The following DLGAP1 variants were observed in gnomAD, a reference collection of about 807,000 sequenced individuals.
The protein encoded by DLGAP1 is disks large-associated protein 1.
A neutral mutation model predicts 90.8 loss-of-function variants in DLGAP1; 11 were observed. That is an observed-to-expected ratio of 0.12 (90% confidence interval 0.08 to 0.20). The LOEUF (loss-of-function observed/expected upper bound fraction) is 0.20, where lower values mean the gene tolerates loss of function less well. Ranked by LOEUF, DLGAP1 falls within the 10% of genes least tolerant of loss-of-function variation. The pLI is 1.00. For missense variants in DLGAP1, 1,050 were observed against 1,333.8 expected (o/e 0.79, Z 3.31); for synonymous variants, 558 against 540.7 (o/e 1.03, Z -0.44).
intron 1 of DLGAP1, among the ~76,000 whole-genome samples, chr18:4,262,930 A>G (rs1938534225): frequency 6.6e-6 from 1 of 150,922 alleles, no homozygotes; most frequent in Admixed American, 6.6e-5. Flanking sequence ...TATTATTATT[A>G]TTATTTTATT....
chr18:4,190,823 A>G (rs546629425), intron 1 of DLGAP1, among the ~76,000 whole-genome samples: 186 of 152,010 alleles, frequency 1.2e-3, no homozygotes, highest in African/African-American at 4.3e-3. Context: ...TCCAAGGACT[A>G]TAATATAGTT....
At chr18:3,621,243 A>G (rs1220315671) in intron 7 of DLGAP1, among the ~76,000 whole-genome samples, 2 of 152,122 alleles carry the variant, frequency 1.3e-5, no homozygotes, top group East Asian at 1.9e-4. Context: ...TAAGGATCCT[A>G]TACAAGATTT....
At chr18:4,374,733 T>C (rs2081981144) in intron 1 of DLGAP1, among the ~76,000 whole-genome samples, 1 of 152,216 alleles carries the variant, frequency 6.6e-6, no homozygotes, top group East Asian at 1.9e-4. Context: ...AATTTACCAG[T>C]AAAAAGGTAA....
At chr18:3,978,265 T>C in intron 3 of DLGAP1, 1 of 406,618 alleles carries the variant, frequency 2.5e-6, no homozygotes, top group Non-Finnish European at 4.8e-6. Flanking sequence ...GTGATGACCC[T>C]TTTGGTACCC....
At chr18:4,400,526 G>A (rs78596085) in intron 1 of DLGAP1, among the ~76,000 whole-genome samples, 1,754 of 152,080 alleles carry the variant, frequency 0.012, 41 homozygotes, top group African/African-American at 0.041. Flanking sequence ...ATATTTTCAC[G>A]GATATATGTC....
intron 1 of DLGAP1, among the ~76,000 whole-genome samples, chr18:4,325,951 G>A (rs1394463575): frequency 6.6e-6 from 1 of 152,008 alleles, no homozygotes; most frequent in African/African-American, 2.4e-5. Flanking sequence ...CATAGAACTT[G>A]GCAAAGATTT....
At chr18:3,502,825 G>C (rs977240489) in intron 11 of DLGAP1, among the ~76,000 whole-genome samples, 180 bp from the exon 12 acceptor site, 3 of 152,200 alleles carry the variant, frequency 2.0e-5, no homozygotes, top group Admixed American at 2.0e-4. Flanking sequence ...GTTTGAGTCA[G>C]TGATTCTCAA....
intron 1 of DLGAP1, among the ~76,000 whole-genome samples, chr18:4,187,242 A>T (rs1436565454): frequency 6.6e-6 from 1 of 152,020 alleles, no homozygotes; most frequent in East Asian, 1.9e-4. Flanking sequence ...GATGCCCTTT[A>T]TTTCTCTTGT....
intron 4 of DLGAP1, among the ~76,000 whole-genome samples, chr18:3,855,675 A>C (rs1307759670): frequency 6.6e-6 from 1 of 152,076 alleles, no homozygotes; most frequent in African/African-American, 2.4e-5. Flanking sequence ...GTGTAATGGC[A>C]TGGTCTCGGC....
At chr18:4,198,786 TAC>T (rs1364497595) in intron 1 of DLGAP1, among the ~76,000 whole-genome samples, 1 of 152,232 alleles carries the variant, frequency 6.6e-6, no homozygotes, top group African/African-American at 2.4e-5. Context: ...AATGATGTAT[TAC>T]ATTCTGCAGT....
intron 1 of DLGAP1, among the ~76,000 whole-genome samples, chr18:4,278,327 A>G (rs1391360974): frequency 1.3e-5 from 2 of 152,154 alleles, no homozygotes; most frequent in Non-Finnish European, 2.9e-5. Context: ...GTACAAGTGC[A>G]ATGTTGTTAC....
At chr18:4,226,146 T>C (rs1314038693) in intron 1 of DLGAP1, among the ~76,000 whole-genome samples, 1 of 152,102 alleles carries the variant, frequency 6.6e-6, no homozygotes, top group African/African-American at 2.4e-5. Context: ...CTTATATATA[T>C]ACTGTGCTGA....
chr18:3,897,870 C>A (rs191152279), intron 3 of DLGAP1, among the ~76,000 whole-genome samples: 4,483 of 147,354 alleles, frequency 0.03, 96 homozygotes, highest in Non-Finnish European at 0.046. Context: ...TCTCGGCTCA[C>A]TGCAAGCTCC....
intron 1 of DLGAP1, among the ~76,000 whole-genome samples, chr18:4,351,658 A>G (rs1232448468): frequency 6.6e-6 from 1 of 152,206 alleles, no homozygotes; most frequent in East Asian, 1.9e-4. Context: ...ATTCCTGTCC[A>G]ACATAGATAA....
chr18:4,105,437 A>T (rs747656566), intron 2 of DLGAP1, among the ~76,000 whole-genome samples: 1 of 152,218 alleles, frequency 6.6e-6, no homozygotes, highest in Non-Finnish European at 1.5e-5. Flanking sequence ...AGGTGGAAAG[A>T]CCATTGTAAA....
At chr18:3,636,780 A>G (rs1305945464) in intron 7 of DLGAP1, among the ~76,000 whole-genome samples, 1 of 142,396 alleles carries the variant, frequency 7.0e-6, no homozygotes, top group African/African-American at 2.7e-5. Context: ...GCTGGAGTGC[A>G]GAGGAGTGAT....
intron 1 of DLGAP1, among the ~76,000 whole-genome samples, chr18:4,441,879 G>A (rs2083543242): frequency 6.6e-6 from 1 of 152,220 alleles, no homozygotes; most frequent in African/African-American, 2.4e-5. Context: ...CACTGGGTTA[G>A]GCATCAGCAG....
At chr18:4,243,923 T>C (rs1015101238) in intron 1 of DLGAP1, among the ~76,000 whole-genome samples, 6 of 152,168 alleles carry the variant, frequency 3.9e-5, no homozygotes, top group Admixed American at 3.9e-4. Context: ...CCTTTGAAAA[T>C]TCAAATTGTT....
chr18:4,273,636 T>C (rs1270238690), intron 1 of DLGAP1, among the ~76,000 whole-genome samples: 1 of 152,176 alleles, frequency 6.6e-6, no homozygotes, highest in Admixed American at 6.5e-5. Context: ...GGTCTCACCC[T>C]GTTACCCAGG....
Sources: allele counts gnomAD v4.1 joint callset (sites outside exome capture counted in the v4.1 genomes callset), GRCh38; gene constraint gnomAD v4.1.1; transcripts MANE v1.5; gene names NCBI Gene and HGNC (gene_info 2026-07-23, HGNC 2026-07-21).